Variants in IMMP2L observed in about 807,000 individuals in gnomAD.
IMMP2L encodes the protein mitochondrial inner membrane protease subunit 2.
In IMMP2L, 18 loss-of-function variants were observed where a neutral mutation model predicts 19.3. The observed-to-expected ratio is 0.93, with a 90% CI of 0.64 to 1.38. The LOEUF is 1.38. IMMP2L is among the 40% of genes most tolerant of loss of function. The pLI is 0.00. For missense variants in IMMP2L, 233 were observed against 218.2 expected (o/e 1.07, Z -0.43); for synonymous variants, 76 against 73.0 (o/e 1.04, Z -0.21).
chr7:111,539,196 G>GAAGGAGAAAGAA (rs1848235484), intron 1 of IMMP2L, among the ~76,000 whole-genome samples: 1 of 30,060 alleles, frequency 3.3e-5, no homozygotes, highest in Non-Finnish European at 5.9e-5. Flanking sequence ...AGGAAGGAGG[G>GAAGGAGAAAGAA]AGAAAGAAAG....
At chr7:111,195,205 T>C (rs371274064) in intron 3 of IMMP2L, among the ~76,000 whole-genome samples, 1 of 152,140 alleles carries the variant, frequency 6.6e-6, no homozygotes, top group Non-Finnish European at 1.5e-5. Context: ...ATTATTAACA[T>C]AATTTCAATT....
At chr7:110,725,855 T>C (rs1461492658) in intron 5 of IMMP2L, 1 of 152,200 alleles carries the variant, frequency 6.6e-6, no homozygotes, top group Non-Finnish European at 1.5e-5. Context: ...CCAGTGGTAT[T>C]AGTAATCACA....
chr7:111,261,485 T>C (rs1159629951), intron 3 of IMMP2L, among the ~76,000 whole-genome samples: 1 of 152,170 alleles, frequency 6.6e-6, no homozygotes, highest in African/African-American at 2.4e-5. Context: ...CAGGGCTTCA[T>C]TCATTCAGCA....
intron 3 of IMMP2L, among the ~76,000 whole-genome samples, chr7:111,430,563 C>G (rs1295464852): frequency 6.6e-6 from 1 of 151,686 alleles, no homozygotes; most frequent in East Asian, 1.9e-4. Flanking sequence ...TTATCAGACT[C>G]TCCATCCTCA....
At chr7:110,952,938 T>C (rs1429891997) in intron 4 of IMMP2L, among the ~76,000 whole-genome samples, 1 of 152,108 alleles carries the variant, frequency 6.6e-6, no homozygotes, top group Non-Finnish European at 1.5e-5. Context: ...CCCAATAATA[T>C]AGTCATGATA....
In IMMP2L at chr7:111,213,106, T is replaced by A. The variant is rs374118160; in HGVS notation, c.240-249541A>T. On this transcript the variant is annotated intron_variant, in intron 3 of 5. Coordinates refer to ENST00000405709, the MANE Select transcript of IMMP2L (RefSeq NM_032549.4). The surrounding 1 kb of genome is among the most constrained non-coding windows in gnomAD (Gnocchi z 4.8). ...CCAAACCCAGGCATTTCTACACTCTTGGAGGCCAGGAAAGGCCCCCTGTCT... is the reference window on the plus strand; with the variant it reads ...CCAAACCCAGGCATTTCTACACTCTAGGAGGCCAGGAAAGGCCCCCTGTCT... Among the ~76,000 whole-genome samples the A allele has an allele frequency of 1.3e-5, 2 of 152,236 alleles. No homozygotes were observed. Among genetic ancestry groups the A allele is most frequent in the African/African-American group, 4.8e-5 (2 of 41,468 alleles).
chr7:111,391,782 T>C, intron 3 of IMMP2L: 1 of 654,728 alleles, frequency 1.5e-6, no homozygotes, highest in South Asian at 1.7e-5. Flanking sequence ...ACGATAAGAG[T>C]ATGAGTTCAA....
chr7:111,111,663 C>G (rs1348649745), intron 3 of IMMP2L, among the ~76,000 whole-genome samples: 4 of 151,938 alleles, frequency 2.6e-5, no homozygotes, highest in Admixed American at 2.6e-4. Context: ...TAATGTCCCC[C>G]CCTGCGTCAA....
rs762576425 is a variant in IMMP2L, at chr7:111,268,569, C to CTTTTTTTTTTT, written c.239+218658_239+218668dup. On this transcript the variant is annotated intron_variant, in intron 3 of 5. Transcript: ENST00000405709. ...GATATGAGTTAAACTTCACATTTCT[C>CTTTTTTTTTTT]TTTTTTTTTTTTTTTTTTTTTTTTT... Among the ~76,000 whole-genome samples, 49 of 44,592 alleles carry CTTTTTTTTTTT rather than the reference C, an allele frequency of 1.1e-3. 10 individuals carry two copies. Among genetic ancestry groups the CTTTTTTTTTTT allele is most frequent in the South Asian group, 1.9e-3 (2 of 1,048 alleles). 29.3% of individuals were successfully genotyped at this position (44,592 alleles called of 152,430 possible). A position where few individuals can be genotyped will look rare whatever the true frequency, so the allele number is the denominator to read the frequency against.
In IMMP2L at chr7:111,213,337, G is replaced by A. The variant is rs1318423432; in HGVS notation, c.240-249772C>T. Among the ~76,000 whole-genome samples, 1 of 152,168 alleles carries A rather than the reference G, an allele frequency of 6.6e-6. No individual in the cohort carries two copies. Among genetic ancestry groups the A allele is most frequent in the Non-Finnish European group, 1.5e-5 (1 of 68,034 alleles). On this transcript the variant is annotated intron_variant, in intron 3 of 5. Coordinates refer to ENST00000405709, the MANE Select transcript of IMMP2L (RefSeq NM_032549.4). The surrounding 1 kb of genome is among the most constrained non-coding windows in gnomAD (Gnocchi z 4.8). ...GGGTGCCAATGAGCATGGGAGGGAG[G>A]CTGAGTGGGGCCTGAAGGCAGCTTG...
At chr7:111,310,025 A>G (rs1026382754) in intron 3 of IMMP2L, among the ~76,000 whole-genome samples, 1 of 152,082 alleles carries the variant, frequency 6.6e-6, no homozygotes, top group African/African-American at 2.4e-5. Flanking sequence ...ACCTGAGGTT[A>G]GGAGTTCAAG....
At chr7:111,431,920 T>C (rs1208630663) in intron 3 of IMMP2L, among the ~76,000 whole-genome samples, 1 of 151,264 alleles carries the variant, frequency 6.6e-6, no homozygotes, top group African/African-American at 2.5e-5. Flanking sequence ...TTCCAAACTT[T>C]CCTCAGATTT....
At chr7:110,735,110 G>A (rs549497001) in intron 5 of IMMP2L, among the ~76,000 whole-genome samples, 23 of 152,092 alleles carry the variant, frequency 1.5e-4, no homozygotes, top group African/African-American at 5.3e-4. Flanking sequence ...GGAAATAACC[G>A]ACATGCCTGC....
intron 3 of IMMP2L, among the ~76,000 whole-genome samples, chr7:111,450,297 A>G (rs1323275437): frequency 6.7e-6 from 1 of 149,578 alleles, no homozygotes; most frequent in South Asian, 2.1e-4. Context: ...ATCACACTAC[A>G]TGACTTCAAA....
At chr7:110,931,203 T>C (rs1815445426) in intron 4 of IMMP2L, among the ~76,000 whole-genome samples, 1 of 152,142 alleles carries the variant, frequency 6.6e-6, no homozygotes, top group Non-Finnish European at 1.5e-5. Flanking sequence ...GTTCCAAATA[T>C]TTCTATGAGA....
At chr7:111,494,320 C>CA (rs1049992389) in intron 2 of IMMP2L, among the ~76,000 whole-genome samples, 2 of 151,960 alleles carry the variant, frequency 1.3e-5, no homozygotes, top group African/African-American at 4.8e-5. Context: ...TAACAAAGAA[C>CA]AAAAAAAGCC....
chr7:110,683,840 T>C (rs1477226800), intron 5 of IMMP2L, among the ~76,000 whole-genome samples: 7 of 152,138 alleles, frequency 4.6e-5, no homozygotes, highest in African/African-American at 1.7e-4. Flanking sequence ...TTTTTTCTTT[T>C]TCAGATTTGA....
chr7:111,227,676 C>T (rs913987546), intron 3 of IMMP2L, among the ~76,000 whole-genome samples: 2 of 152,046 alleles, frequency 1.3e-5, no homozygotes, highest in Non-Finnish European at 2.9e-5. Flanking sequence ...AGAAATAAAC[C>T]ACTCCTAATA....
chr7:110,819,491 T>C (rs1315461355), intron 5 of IMMP2L, among the ~76,000 whole-genome samples: 1 of 152,152 alleles, frequency 6.6e-6, no homozygotes, highest in African/African-American at 2.4e-5. Flanking sequence ...ATAATGAAAG[T>C]GATCCCATAA....
Sources: gnomAD v4.1 joint callset for allele counts (sites outside exome capture counted in the v4.1 genomes callset) on GRCh38, gnomAD v4.1.1 for gene constraint, Gnocchi (gnomAD v3.1) non-coding constraint, MANE v1.5 for transcripts, NCBI Gene and HGNC (gene_info 2026-07-23, HGNC 2026-07-21) for gene names.